STPG2: variants seen among roughly 807,000 people sequenced by gnomAD.
STPG2 encodes sperm tail PG-rich repeat containing 2, also known as sperm-tail PG-rich repeat-containing protein 2.
A neutral mutation model predicts 54.2 loss-of-function variants in STPG2; 56 were observed. The observed-to-expected ratio is 1.03, with a 90% CI of 0.83 to 1.29. STPG2 has a LOEUF of 1.29. Among genes scored for constraint, STPG2 ranks in the 50% most tolerant of loss-of-function variants. The probability of loss-of-function intolerance (pLI) is 0.00; values close to 1 mark genes in which losing one functional copy is unlikely to be tolerated. For missense variants in STPG2, 596 were observed against 544.9 expected (o/e 1.09, Z -0.93); for synonymous variants, 200 against 181.8 (o/e 1.10, Z -0.81).
intron 7 of STPG2, among the ~76,000 whole-genome samples, chr4:97,961,937 G>A (rs1042770773): frequency 1.3e-5 from 2 of 152,174 alleles, no homozygotes; most frequent in African/African-American, 4.8e-5. Flanking sequence ...ATTCGCAATT[G>A]TAAAAATGTG....
chr4:98,008,386 A>G (rs1212226126), intron 5 of STPG2, among the ~76,000 whole-genome samples: 1 of 152,114 alleles, frequency 6.6e-6, no homozygotes, highest in Admixed American at 6.5e-5. Flanking sequence ...TCCTTCCCAG[A>G]GAAGCAAATG....
intron 3 of STPG2, among the ~76,000 whole-genome samples, chr4:98,120,296 G>A (rs1002965409): frequency 1.3e-5 from 2 of 152,196 alleles, no homozygotes; most frequent in East Asian, 1.9e-4. Flanking sequence ...GATCAGGCTG[G>A]TCTTGAACTC....
chr4:97,527,030 G>C (rs1471501385), intron 4 of STPG2, among the ~76,000 whole-genome samples: 1 of 150,974 alleles, frequency 6.6e-6, no homozygotes, highest in Non-Finnish European at 1.5e-5. Context: ...TTTAAGTTCT[G>C]GGATACATGT....
chr4:97,733,621 A>C (rs1394799048), intron 9 of STPG2, among the ~76,000 whole-genome samples: 1 of 152,164 alleles, frequency 6.6e-6, no homozygotes, highest in Admixed American at 6.5e-5. Flanking sequence ...TATGGAGGTC[A>C]TGGAAGCTCT....
chr4:97,527,954 A>T (rs1290439956), intron 4 of STPG2, among the ~76,000 whole-genome samples: 3 of 151,800 alleles, frequency 2.0e-5, no homozygotes, highest in Non-Finnish European at 4.4e-5. Flanking sequence ...TAGGTTGTCT[A>T]TTCACTCTGA....
chr4:97,468,562 C>T (rs948363286), intron 4 of STPG2, among the ~76,000 whole-genome samples: 2 of 151,960 alleles, frequency 1.3e-5, no homozygotes, highest in African/African-American at 2.4e-5. Flanking sequence ...TACTTTATAA[C>T]GCTCTGTATC....
chr4:97,656,033 G>C (rs1267308463), intron 10 of STPG2, among the ~76,000 whole-genome samples: 5 of 152,112 alleles, frequency 3.3e-5, no homozygotes, highest in African/African-American at 1.2e-4. Context: ...TCTGTAAGTA[G>C]TGGTCACAGC....
At chr4:97,837,717 C>T (rs190972435) in intron 9 of STPG2, among the ~76,000 whole-genome samples, 1 of 151,622 alleles carries the variant, frequency 6.6e-6, no homozygotes, top group Non-Finnish European at 1.5e-5. Context: ...TTTTATCCCT[C>T]TTAAGTATAT....
At chr4:97,937,109 G>A (rs1346043798) in intron 8 of STPG2, among the ~76,000 whole-genome samples, 3 of 151,792 alleles carry the variant, frequency 2.0e-5, no homozygotes, top group Non-Finnish European at 4.4e-5. Flanking sequence ...TTGTCTGCCT[G>A]CCTTATTTCA....
intron 10 of STPG2, among the ~76,000 whole-genome samples, chr4:97,655,877 A>G (rs1451274429): frequency 6.6e-6 from 1 of 152,164 alleles, no homozygotes; most frequent in Admixed American, 6.6e-5. Flanking sequence ...AAGTAGTGAT[A>G]CAAAGCTAGA....
At chr4:97,610,203 T>A (rs1399840973) in intron 10 of STPG2, among the ~76,000 whole-genome samples, 2 of 152,086 alleles carry the variant, frequency 1.3e-5, no homozygotes, top group Admixed American at 6.6e-5. Flanking sequence ...CTGTCTGATT[T>A]CAAAGGGAGT....
rs527677216 is a variant in STPG2 at position 97,968,338 on chromosome 4, C to G, written c.933+3942G>C. Among the ~76,000 whole-genome samples, 3 of 152,248 alleles carry G rather than the reference C, an allele frequency of 2.0e-5. No individual in the cohort carries two copies. In the South Asian group the frequency reaches 6.2e-4, roughly 32 times the overall value. On this transcript the variant is annotated intron_variant, in intron 7 of 10. Transcript: ENST00000295268. ...AAATTTCCAGGACAAGATGGATTCA[C>G]AGCCGAATTCTACCAGAGGTAAAAA...
At chr4:97,967,282 T>C (rs577684547) in intron 7 of STPG2, among the ~76,000 whole-genome samples, 10 of 150,584 alleles carry the variant, frequency 6.6e-5, no homozygotes, top group African/African-American at 2.2e-4. Flanking sequence ...CATTACATAA[T>C]GGTAAAGGGA....
intron 8 of STPG2, among the ~76,000 whole-genome samples, chr4:97,921,476 C>A (rs184577706): frequency 1.3e-5 from 2 of 151,268 alleles, no homozygotes; most frequent in Non-Finnish European, 3.0e-5. Context: ...GAAAAGAACC[C>A]AAAAAGAAAT....
At chr4:97,512,103 C>T (rs936528589) in intron 4 of STPG2, among the ~76,000 whole-genome samples, 3 of 151,978 alleles carry the variant, frequency 2.0e-5, no homozygotes, top group African/African-American at 7.2e-5. Flanking sequence ...ATTGGACTTG[C>T]ACTTTGAAAG....
At chr4:98,015,592 A>AT (rs1560636446) in intron 5 of STPG2, among the ~76,000 whole-genome samples, 1 of 151,936 alleles carries the variant, frequency 6.6e-6, no homozygotes, top group Non-Finnish European at 1.5e-5. Flanking sequence ...AAATAGGAAC[A>AT]TTTTACACTG....
intron 10 of STPG2, among the ~76,000 whole-genome samples, chr4:97,589,373 T>C (rs1001142048): frequency 1.3e-5 from 2 of 152,092 alleles, no homozygotes; most frequent in Non-Finnish European, 2.9e-5. Flanking sequence ...TTTGTAGTTT[T>C]GTGAATTAAA....
intron 4 of STPG2, among the ~76,000 whole-genome samples, chr4:97,442,244 A>G (rs1277832726): frequency 6.6e-6 from 1 of 150,584 alleles, no homozygotes; most frequent in East Asian, 1.9e-4. Flanking sequence ...TTTTATTCAG[A>G]TGGTTACTCT....
chr4:97,625,191 A>G (rs570666475), intron 10 of STPG2, among the ~76,000 whole-genome samples: 1 of 152,360 alleles, frequency 6.6e-6, no homozygotes, highest in East Asian at 1.9e-4. Flanking sequence ...CATCTTAGAA[A>G]ATTCAGCTTT....
Sources: gnomAD v4.1 joint callset for allele counts (sites outside exome capture counted in the v4.1 genomes callset) on GRCh38, gnomAD v4.1.1 for gene constraint, MANE v1.5 for transcripts, NCBI Gene and HGNC (gene_info 2026-07-23, HGNC 2026-07-21) for gene names.